SLC2A9: variants seen among roughly 807,000 people sequenced by gnomAD.
SLC2A9 encodes solute carrier family 2, facilitated glucose transporter member 9.
Under a neutral mutation model 50.6 loss-of-function variants are expected in SLC2A9, and 39 were observed. The observed-to-expected ratio is 0.77, with a 90% CI of 0.60 to 1.01. The LOEUF (loss-of-function observed/expected upper bound fraction) is 1.01, where lower values mean the gene tolerates loss of function less well. Ranked by LOEUF, SLC2A9 falls within the 50% of genes least tolerant of loss-of-function variation. The pLI is 0.00. For missense variants in SLC2A9, 686 were observed against 677.6 expected, an observed-to-expected ratio of 1.01 and a Z score of -0.14; for synonymous variants, 324 against 276.9, an observed-to-expected ratio of 1.17 and a Z score of -1.69.
chr4:9,771,858 G>A (rs192388967), intron 1 of SLC2A9, among the ~76,000 whole-genome samples: 4 of 152,312 alleles, frequency 2.6e-5, no homozygotes, highest in Admixed American at 2.0e-4. Flanking sequence ...GGACATTTCA[G>A]ACAGGGGCAA....
intron 3 of SLC2A9, among the ~76,000 whole-genome samples, chr4:9,806,850 G>C (rs1022921781): frequency 1.2e-4 from 19 of 152,190 alleles, no homozygotes; most frequent in African/African-American, 4.3e-4. Context: ...AGGGGGATAT[G>C]CTTGAACTCA....
chr4:9,843,582 C>A (rs538724140), intron 10 of SLC2A9, among the ~76,000 whole-genome samples: 1 of 152,262 alleles, frequency 6.6e-6, no homozygotes, highest in South Asian at 2.1e-4. Context: ...GGCTCTGCCA[C>A]TTGCAGGCTC....
intron 3 of SLC2A9, among the ~76,000 whole-genome samples, chr4:9,812,360 A>T (rs1360805882): frequency 3.3e-5 from 5 of 152,266 alleles, no homozygotes; most frequent in African/African-American, 4.8e-5. Context: ...TTATTTAATT[A>T]GAATTGTGTT....
intron 4 of SLC2A9, among the ~76,000 whole-genome samples, chr4:9,981,015 A>G (rs1011275347): frequency 1.3e-5 from 2 of 151,956 alleles, no homozygotes; most frequent in African/African-American, 2.4e-5. Flanking sequence ...GGTGATGGTG[A>G]TAACGGTGGT....
At chr4:9,783,395 G>C in intron 3 of SLC2A9, 1 of 1,614,162 alleles carries the variant, frequency 6.2e-7, no homozygotes, top group Non-Finnish European at 8.5e-7. Context: ...GTCTGTCTGG[G>C]AGCTGGACTG....
intron 10 of SLC2A9, among the ~76,000 whole-genome samples, chr4:9,847,711 C>A (rs1019564321): frequency 6.6e-6 from 1 of 152,204 alleles, no homozygotes; most frequent in Admixed American, 6.5e-5. Context: ...GATTAACGTT[C>A]TCCTTCATTG....
At chr4:9,811,029 T>G (rs1722820580) in intron 3 of SLC2A9, among the ~76,000 whole-genome samples, 1 of 152,112 alleles carries the variant, frequency 6.6e-6, no homozygotes, top group African/African-American at 2.4e-5. Context: ...TCTGAAAGAG[T>G]TGTCCATGAG....
At chr4:9,977,966 G>A (rs1755079621) in intron 5 of SLC2A9, among the ~76,000 whole-genome samples, 2 of 152,222 alleles carry the variant, frequency 1.3e-5, no homozygotes, top group Admixed American at 6.5e-5. Flanking sequence ...TAGTGTGCAC[G>A]CAAGTAAGAT....
intron 10 of SLC2A9, among the ~76,000 whole-genome samples, chr4:9,844,157 AAATAATAAT>A (rs1291206265): frequency 0.036 from 2,098 of 58,314 alleles, 144 homozygotes; most frequent in African/African-American, 0.12. Flanking sequence ...AGTAAAAAAA[AAATAATAAT>A]AAAAAAAAAA....
chr4:10,021,175 C>T (rs1763463297), intron 1 of SLC2A9, 105 bp downstream of exon 1: 2 of 1,222,900 alleles, frequency 1.6e-6, no homozygotes, highest in Middle Eastern at 2.7e-4. Flanking sequence ...CCAGATCCCC[C>T]AGCTACACGC....
At chr4:9,785,792 GATC>G (rs1719141314) in intron 3 of SLC2A9, among the ~76,000 whole-genome samples, 1 of 152,224 alleles carries the variant, frequency 6.6e-6, no homozygotes, top group Non-Finnish European at 1.5e-5. Context: ...CCAATAAAGA[GATC>G]TGTACTATAT....
At chr4:9,774,527 G>T (rs909586352) in intron 1 of SLC2A9, among the ~76,000 whole-genome samples, 39 of 152,132 alleles carry the variant, frequency 2.6e-4, no homozygotes, top group African/African-American at 8.9e-4. Context: ...GCTGTCCCTT[G>T]TTCTCATGCC....
At chr4:9,782,696 C>T (rs769335952) in intron 3 of SLC2A9, 9 of 1,614,044 alleles carry the variant, frequency 5.6e-6, no homozygotes, top group South Asian at 4.4e-5. Context: ...CAGCCTGAAT[C>T]GAACCTACGC....
chr4:9,985,765 A>G lies in SLC2A9; in HGVS notation c.439T>C (p.Phe147Leu), dbSNP rs1227664534. The G allele has an allele frequency of 1.2e-6, 2 of 1,614,052 alleles. No homozygotes were observed. Among genetic ancestry groups the G allele is most frequent in the Admixed American group, 3.3e-5 (2 of 60,020 alleles). ...RKHTLLANNG[F>L]AISAALLMAC... is the part of the protein sequence containing the mutation. ...ATCAGCAATGCAGCAGAAATTGCAA[A>G]CCCATTATTGGCCAGCAAAGTGTGC... Residue 147 changes from phenylalanine to leucine, a missense_variant, in exon 4 of 12, where the codon TTT becomes CTT. By Grantham distance (22) the Phe-to-Leu change is conservative (BLOSUM62 0). Transcript: ENST00000264784.
At chr4:9,805,863 A>T (rs1021110000) in intron 3 of SLC2A9, among the ~76,000 whole-genome samples, 4 of 152,182 alleles carry the variant, frequency 2.6e-5, no homozygotes, top group African/African-American at 9.7e-5. Flanking sequence ...TGTAGCAACT[A>T]ATGTTCTCAC....
At chr4:9,920,060 C>T (rs1743611996) in intron 7 of SLC2A9, among the ~76,000 whole-genome samples, 1 of 152,200 alleles carries the variant, frequency 6.6e-6, no homozygotes, top group African/African-American at 2.4e-5. Context: ...TCACTTCTGA[C>T]TTCCTAATAT....
chr4:9,924,689 TC>T (rs1378506901), intron 6 of SLC2A9, among the ~76,000 whole-genome samples: 1 of 152,216 alleles, frequency 6.6e-6, no homozygotes, highest in Non-Finnish European at 1.5e-5. Flanking sequence ...TGGTGCTTCC[TC>T]GAGTCACCTC....
chr4:10,027,131 C>A (rs1443563403), intron 1 of SLC2A9, among the ~76,000 whole-genome samples: 1 of 152,060 alleles, frequency 6.6e-6, no homozygotes, highest in Non-Finnish European at 1.5e-5. Context: ...TTGGCAAATC[C>A]GTGGAGACAG....
chr4:9,969,929 G>C (rs750337747), intron 5 of SLC2A9, among the ~76,000 whole-genome samples: 8 of 152,142 alleles, frequency 5.3e-5, no homozygotes, highest in Non-Finnish European at 1.2e-4. Context: ...TCTCATACTT[G>C]GAAAGACAAA....
Sources: gnomAD v4.1 joint callset for allele counts (sites outside exome capture counted in the v4.1 genomes callset) on GRCh38, gnomAD v4.1.1 for gene constraint, MANE v1.5 for transcripts, NCBI Gene and HGNC (gene_info 2026-07-23, HGNC 2026-07-21) for gene names.